Variants in CAMTA1 observed in about 807,000 individuals in gnomAD.
CAMTA1 encodes calmodulin binding transcription activator 1, also known as calmodulin-binding transcription activator 1.
In CAMTA1, 27 loss-of-function variants were observed where a neutral mutation model predicts 170.9. That is an observed-to-expected ratio of 0.16 (90% CI 0.12 to 0.22). The LOEUF is 0.22. Among genes scored for constraint, CAMTA1 ranks in the 10% least tolerant of loss-of-function variants. The pLI is 1.00. For synonymous variants in CAMTA1, 833 were observed against 891.5 expected, an observed-to-expected ratio of 0.93 and a Z score of 1.17; for missense variants, 1,619 against 2,217.2, an observed-to-expected ratio of 0.73 and a Z score of 5.42.
At chr1:7,159,647 A>C (rs955463184) in intron 4 of CAMTA1, among the ~76,000 whole-genome samples, 1 of 152,136 alleles carries the variant, frequency 6.6e-6, no homozygotes, top group African/African-American at 2.4e-5. Flanking sequence ...GGGCTCGAGC[A>C]ATCCTCCCAC....
intron 3 of CAMTA1, among the ~76,000 whole-genome samples, chr1:6,911,481 TC>T (rs1679669473): frequency 6.6e-6 from 1 of 152,184 alleles, no homozygotes; most frequent in Non-Finnish European, 1.5e-5. Context: ...TGCAGTGTCT[TC>T]CTGTGTTTGA....
chr1:7,078,476 G>A (rs906320950), intron 3 of CAMTA1, among the ~76,000 whole-genome samples: 2 of 152,076 alleles, frequency 1.3e-5, no homozygotes, highest in Non-Finnish European at 2.9e-5. Flanking sequence ...TATCTCTACG[G>A]GCTTACGATA....
In CAMTA1 at chr1:7,229,299, G is replaced by C. The variant is rs550317338; in HGVS notation, c.303-20192G>C. 2.2e-4 allele frequency among the ~76,000 whole-genome samples: 33 copies of C among 151,016 alleles called. No individual in the cohort carries two copies. The South Asian group carries it at 6.8e-3, about 31-fold the overall frequency. ...GTTGTCAAATGCACCCCTGTTCCCA[G>C]GGAGCCGGGAAAGTGAGGGCAGATG... On this transcript the variant is annotated intron_variant, in intron 4 of 22. Coordinates refer to ENST00000303635, the MANE Select transcript of CAMTA1 (RefSeq NM_015215.4).
At chr1:7,380,541 T>A (rs142701730) in intron 5 of CAMTA1, among the ~76,000 whole-genome samples, 2,081 of 152,162 alleles carry the variant, frequency 0.014, 49 homozygotes, top group African/African-American at 0.047. Flanking sequence ...GCTGTTGCAC[T>A]CCAGCCTGGG....
intron 3 of CAMTA1, among the ~76,000 whole-genome samples, chr1:6,936,986 T>A (rs748551498): frequency 6.6e-6 from 1 of 150,688 alleles, no homozygotes; most frequent in Non-Finnish European, 1.5e-5. Context: ...AGACTCTGTT[T>A]AAAAAAAAAG....
chr1:7,360,818 C>T (rs2085482828), intron 5 of CAMTA1, among the ~76,000 whole-genome samples: 1 of 152,222 alleles, frequency 6.6e-6, no homozygotes, highest in Non-Finnish European at 1.5e-5. Context: ...CCACGCCTGC[C>T]ACTTTCTCCA....
chr1:6,838,973 T>C (rs954191735), intron 3 of CAMTA1, among the ~76,000 whole-genome samples: 23 of 152,086 alleles, frequency 1.5e-4, no homozygotes, highest in African/African-American at 5.6e-4. Context: ...CCCAGGCTGG[T>C]CTTGAATTCC....
At chr1:7,760,460 CA>C (rs1255073565) in intron 22 of CAMTA1, among the ~76,000 whole-genome samples, 2 of 152,248 alleles carry the variant, frequency 1.3e-5, no homozygotes, top group African/African-American at 2.4e-5. Context: ...TGTGTTCTCA[CA>C]CTTCCGTAGC....
intron 6 of CAMTA1, among the ~76,000 whole-genome samples, chr1:7,563,113 G>A (rs1056223215): frequency 6.6e-6 from 1 of 152,226 alleles, no homozygotes; most frequent in African/African-American, 2.4e-5. Flanking sequence ...ATTGTGTCCA[G>A]TGTCCAGGGT....
At position 7,736,427 on chromosome 1, in the gene CAMTA1, C is replaced by T. The variant is rs1159006214; in HGVS notation, c.3150C>T (p.Cys1050=). The T allele has an allele frequency of 5.0e-6, 8 of 1,614,104 alleles. No homozygotes were observed. The highest frequency in any genetic ancestry group is 6.8e-6 in the Non-Finnish European group (8 of 1,180,018). The part of the protein sequence containing the change: ...VVCEKMMSRA[C]WAKSKHLIHS... ...GCGAGAAGATGATGAGCCGAGCCTG[C>T]TGGGCGAAGTCCAAGCACTTGATCC... Residue 1050 remains cysteine, a synonymous_variant, in exon 13 of 23, where the codon TGC becomes TGT. Coordinates refer to ENST00000303635, the MANE Select transcript of CAMTA1 (RefSeq NM_015215.4). The surrounding 1 kb of genome is among the most constrained non-coding windows in gnomAD (Gnocchi z 4.5).
At chr1:7,708,720 A>G (rs2096546212) in intron 11 of CAMTA1, among the ~76,000 whole-genome samples, 1 of 152,192 alleles carries the variant, frequency 6.6e-6, no homozygotes, top group Non-Finnish European at 1.5e-5. Context: ...AGCACCTACT[A>G]TACATCAGTT....
chr1:7,077,058 C>A (rs1038949317), intron 3 of CAMTA1, among the ~76,000 whole-genome samples: 2 of 152,158 alleles, frequency 1.3e-5, no homozygotes, highest in African/African-American at 4.8e-5. Flanking sequence ...TAATGGCCAC[C>A]AGTGGCCTAT....
intron 5 of CAMTA1, among the ~76,000 whole-genome samples, chr1:7,449,382 C>T (rs184911998): frequency 7.8e-4 from 119 of 152,284 alleles, no homozygotes; most frequent in Admixed American, 2.3e-3. Context: ...GCAGCTCCCA[C>T]CAGGGTAGGC....
At chr1:7,678,444 G>C (rs887010102) in intron 11 of CAMTA1, among the ~76,000 whole-genome samples, 1 of 152,222 alleles carries the variant, frequency 6.6e-6, no homozygotes, top group African/African-American at 2.4e-5. Context: ...GGAGAGGCAG[G>C]GACTCCAAGA....
At chr1:6,973,928 G>A (rs908666811) in intron 3 of CAMTA1, among the ~76,000 whole-genome samples, 7 of 152,196 alleles carry the variant, frequency 4.6e-5, no homozygotes, top group Non-Finnish European at 8.8e-5. Context: ...GAATCTCAGC[G>A]CCAAAAGGAA....
intron 6 of CAMTA1, among the ~76,000 whole-genome samples, chr1:7,500,535 C>G (rs114249741): frequency 6.6e-6 from 1 of 152,118 alleles, no homozygotes; most frequent in East Asian, 1.9e-4. Context: ...GCTACTGCGC[C>G]CACTCTGTGC....
chr1:7,327,364 G>A (rs1312016116), intron 5 of CAMTA1, among the ~76,000 whole-genome samples: 79 of 138,488 alleles, frequency 5.7e-4, no homozygotes, highest in South Asian at 1.8e-3. Flanking sequence ...CCGAGATCAC[G>A]CCACTGCACT....
chr1:7,688,465 A>C (rs3124796), intron 11 of CAMTA1, among the ~76,000 whole-genome samples: 95,561 of 151,936 alleles, frequency 0.63, 30,275 homozygotes, highest in East Asian at 0.89. Flanking sequence ...CTTAGCCTTT[A>C]CTGGGATTGG....
At chr1:6,898,405 T>C (rs1676124943) in intron 3 of CAMTA1, among the ~76,000 whole-genome samples, 3 of 152,034 alleles carry the variant, frequency 2.0e-5, no homozygotes, top group Admixed American at 2.0e-4. Flanking sequence ...TAGAAAAAAT[T>C]AGCTGGGCAT....
Sources: allele counts gnomAD v4.1 joint callset (sites outside exome capture counted in the v4.1 genomes callset), GRCh38; gene constraint gnomAD v4.1.1; non-coding constraint Gnocchi (gnomAD v3.1); transcripts MANE v1.5; gene names NCBI Gene and HGNC (gene_info 2026-07-23, HGNC 2026-07-21).